The following PDLIM1 variants were observed in gnomAD, a reference collection of about 807,000 sequenced individuals.
PDLIM1 encodes PDZ and LIM domain protein 1.
In PDLIM1, 25 loss-of-function variants were observed where a neutral mutation model predicts 35.2. That is an observed-to-expected ratio of 0.71 (90% CI 0.52 to 0.99). The LOEUF (loss-of-function observed/expected upper bound fraction) is 0.99. Ranked by LOEUF, PDLIM1 falls within the 50% of genes least tolerant of loss-of-function variation. PDLIM1 has a pLI of 0.00. For synonymous variants in PDLIM1, 152 were observed against 154.0 expected (o/e 0.99, Z 0.10); for missense variants, 363 against 415.3 (o/e 0.87, Z 1.09).
At position 95,246,633 on chromosome 10, in the gene PDLIM1, A is replaced by AT. The variant is rs925154445; in HGVS notation, c.685+581dup. Among the ~76,000 whole-genome samples, 2 of 152,190 alleles carry AT rather than the reference A, an allele frequency of 1.3e-5. 1 individual carries two copies. Among genetic ancestry groups the AT allele is most frequent in the Admixed American group, 1.3e-4 (2 of 15,276 alleles). On this transcript the variant is annotated intron_variant, in intron 5 of 6. Transcript: ENST00000329399. Reference sequence around the variant, plus strand: ...TTAGAGGAAAGGAGTTTTATCCCTGATGGACAGATGAGAAAACAGACCTGG... The same window carrying AT: ...TTAGAGGAAAGGAGTTTTATCCCTGATTGGACAGATGAGAAAACAGACCTGG...
intron 3 of PDLIM1, 69 bp from the exon 4 acceptor site, chr10:95,264,132 G>T: frequency 2.2e-6 from 3 of 1,376,058 alleles, no homozygotes; most frequent in Non-Finnish European, 3.1e-6. Flanking sequence ...GGCAGTGCAG[G>T]CTGAGCGCCA....
chr10:95,251,659 C>G (rs78067889), intron 4 of PDLIM1, among the ~76,000 whole-genome samples: 2 of 152,160 alleles, frequency 1.3e-5, no homozygotes, highest in Non-Finnish European at 2.9e-5. Flanking sequence ...ACGGGGATTA[C>G]GTGAATTATT....
chr10:95,273,589 C>T (rs1033815910), intron 1 of PDLIM1, among the ~76,000 whole-genome samples: 2 of 152,174 alleles, frequency 1.3e-5, no homozygotes, highest in Non-Finnish European at 1.5e-5. Context: ...GAAACCAGTA[C>T]CGAGATCCTG....
intron 2 of PDLIM1, among the ~76,000 whole-genome samples, chr10:95,270,965 G>A (rs1009093031): frequency 2.6e-5 from 4 of 151,280 alleles, no homozygotes; most frequent in African/African-American, 9.7e-5. Flanking sequence ...TGGCCAGGCT[G>A]GTCTCAAACT....
In PDLIM1 at chr10:95,263,864, G is replaced by C. The variant is rs1222089796; in HGVS notation, c.533C>G (p.Pro178Arg). Residue 178 changes from proline to arginine, a missense_variant and splice_region_variant, in exon 4 of 7, where the codon CCC becomes CGC. Pro to Arg is a moderately radical substitution (Grantham distance 103). Transcript: ENST00000329399. ...AASGVEANSR[P>R]LDHAQPPSSL... ...AGAGGAGGACTCCTGGGCTACTTAC[G>C]GTCTGCTGTTCGCCTCCACCCCGCT... 3.1e-6 allele frequency: 5 copies of C among 1,609,272 alleles called. No individual in the cohort carries two copies. The South Asian group carries it at 3.3e-5, about 11-fold the overall frequency.
At chr10:95,270,374 A>C (rs1280416411) in intron 2 of PDLIM1, among the ~76,000 whole-genome samples, 1 of 152,134 alleles carries the variant, frequency 6.6e-6, no homozygotes, top group Admixed American at 6.6e-5. Context: ...CACAGATGAG[A>C]ATCTAACCAA....
chr10:95,263,790 C>A, intron 4 of PDLIM1, 74 bp downstream of exon 4: 1 of 1,181,640 alleles, frequency 8.5e-7, no homozygotes, highest in Non-Finnish European at 1.2e-6. Context: ...CTTGCACCTG[C>A]CTGGGCAGCC....
At chr10:95,259,167 C>G (rs2035341361) in intron 4 of PDLIM1, among the ~76,000 whole-genome samples, 1 of 152,036 alleles carries the variant, frequency 6.6e-6, no homozygotes, top group African/African-American at 2.4e-5. Context: ...ATTGTGTTTT[C>G]AAGATGTTAC....
Position 95,265,593 on chromosome 10 carries a change from CAAAA to C in PDLIM1, c.334-1534_334-1531del, listed in dbSNP as rs56893525. Among the ~76,000 whole-genome samples, 293 of 83,948 alleles carry C rather than the reference CAAAA, an allele frequency of 3.5e-3. 3 individuals carry two copies. Among genetic ancestry groups the C allele is most frequent in the African/African-American group, 0.013 (246 of 19,070 alleles). 55.1% of individuals were successfully genotyped at this position (83,948 alleles called of 152,430 possible). On this transcript the variant is annotated intron_variant, in intron 3 of 6. Transcript: ENST00000329399. Reference sequence around the variant, plus strand: ...CTGGGCAACGAGAGTGGAACTCTGTCAAAAAAAAAAAAAAAAAAAAAAAAAAAGA... The same window carrying C: ...CTGGGCAACGAGAGTGGAACTCTGTCAAAAAAAAAAAAAAAAAAAAAAAGA...
chr10:95,255,692 C>T (rs778690873), intron 4 of PDLIM1, among the ~76,000 whole-genome samples: 13 of 152,240 alleles, frequency 8.5e-5, no homozygotes, highest in Admixed American at 2.0e-4. Context: ...AAATGAAAAA[C>T]CAAAAGCTGT....
intron 5 of PDLIM1, chr10:95,238,970 T>C (rs1026195318): frequency 9.8e-6 from 3 of 305,450 alleles, no homozygotes; most frequent in Admixed American, 4.2e-5. Context: ...TCAAACTATA[T>C]TACAAGGCTA....
At chr10:95,251,479 G>C (rs1471300422) in intron 4 of PDLIM1, among the ~76,000 whole-genome samples, 1 of 152,110 alleles carries the variant, frequency 6.6e-6, no homozygotes, top group Non-Finnish European at 1.5e-5. Context: ...GGAAGGCTGA[G>C]GCAGTAGAAT....
chr10:95,240,766 G>C (rs764762548), intron 5 of PDLIM1, among the ~76,000 whole-genome samples: 4 of 152,192 alleles, frequency 2.6e-5, no homozygotes, highest in Non-Finnish European at 1.5e-5. Context: ...ATCTCCTACA[G>C]AGCAGAGGAA....
chr10:95,276,064 C>A lies in PDLIM1; in HGVS notation c.97-4280G>T, dbSNP rs1020586529. ...TAAACAAATAATGGGATTTGCCTTTCCAAAGCCCTTTCATATACAATCTCC... is the reference window on the plus strand; with the variant it reads ...TAAACAAATAATGGGATTTGCCTTTACAAAGCCCTTTCATATACAATCTCC... On this transcript the variant is annotated intron_variant, in intron 1 of 6. Coordinates refer to ENST00000329399, the MANE Select transcript of PDLIM1 (RefSeq NM_020992.4). 3.3e-5 allele frequency among the ~76,000 whole-genome samples: 5 copies of A among 152,156 alleles called. No individual in the cohort carries two copies. The South Asian group carries it at 1.0e-3, about 32-fold the overall frequency.
At chr10:95,267,990 G>A (rs1000394429) in intron 3 of PDLIM1, among the ~76,000 whole-genome samples, 4 of 152,312 alleles carry the variant, frequency 2.6e-5, no homozygotes, top group African/African-American at 4.8e-5. Context: ...CATGTTGGGT[G>A]TGAGGAATTT....
intron 1 of PDLIM1, chr10:95,273,357 C>T (rs1221766559): frequency 6.6e-6 from 1 of 152,228 alleles, no homozygotes; most frequent in Non-Finnish European, 1.5e-5. Flanking sequence ...CAAACCAGGA[C>T]ACACAAGTTG....
chr10:95,285,041 C>A (rs1331722798), intron 1 of PDLIM1, among the ~76,000 whole-genome samples: 1 of 152,202 alleles, frequency 6.6e-6, no homozygotes, highest in Non-Finnish European at 1.5e-5. Context: ...GAACTGTTCA[C>A]TGCCTGGTCA....
intron 5 of PDLIM1, among the ~76,000 whole-genome samples, chr10:95,244,678 T>A (rs2035204156): frequency 6.6e-6 from 1 of 152,042 alleles, no homozygotes. Flanking sequence ...GGTGGGCAGA[T>A]CACCTGAGGT....
intron 6 of PDLIM1, 140 bp from the exon 7 acceptor site, chr10:95,238,251 C>A: frequency 1.4e-6 from 1 of 710,376 alleles, no homozygotes; most frequent in South Asian, 1.9e-5. Context: ...CAGGGCCTCC[C>A]AACTGGCCTC....
Sources: allele counts gnomAD v4.1 joint callset (sites outside exome capture counted in the v4.1 genomes callset), GRCh38; gene constraint gnomAD v4.1.1; transcripts MANE v1.5; gene names NCBI Gene and HGNC (gene_info 2026-07-23, HGNC 2026-07-21).